Variants in TTC29 observed in about 807,000 individuals in gnomAD.
TTC29 encodes tetratricopeptide repeat protein 29.
A neutral mutation model predicts 58.1 loss-of-function variants in TTC29; 49 were observed. The observed-to-expected ratio is 0.84, with a 90% CI of 0.67 to 1.07. The LOEUF is 1.07. Ranked by LOEUF, TTC29 falls within the 50% of genes least tolerant of loss-of-function variation. The probability of loss-of-function intolerance (pLI) is 0.00; values close to 1 mark genes in which losing one functional copy is unlikely to be tolerated. For missense variants in TTC29, 582 were observed against 555.6 expected (o/e 1.05, Z -0.48); for synonymous variants, 209 against 196.8 (o/e 1.06, Z -0.52).
intron 10 of TTC29, among the ~76,000 whole-genome samples, 192 bp downstream of exon 10, chr4:146,819,933 A>G (rs1751699953): frequency 6.6e-6 from 1 of 152,196 alleles, no homozygotes; most frequent in Non-Finnish European, 1.5e-5. Context: ...AGATATTGGA[A>G]AAGGAGAAGG....
chr4:146,804,336 G>T (rs1750449776), intron 10 of TTC29, among the ~76,000 whole-genome samples: 1 of 152,068 alleles, frequency 6.6e-6, no homozygotes, highest in Non-Finnish European at 1.5e-5. Context: ...CTAGCTGCAG[G>T]AGTTTTTTTT....
At chr4:146,925,310 A>G (rs900582886) in intron 4 of TTC29, among the ~76,000 whole-genome samples, 1 of 152,064 alleles carries the variant, frequency 6.6e-6, no homozygotes, top group Non-Finnish European at 1.5e-5. Flanking sequence ...TCCAACAAAA[A>G]TTATGGGTTT....
chr4:146,919,413 T>C (rs193141994), intron 4 of TTC29, among the ~76,000 whole-genome samples: 2 of 151,178 alleles, frequency 1.3e-5, no homozygotes, highest in African/African-American at 4.8e-5. Context: ...GTATTATGTG[T>C]CCTAATATAA....
intron 11 of TTC29, among the ~76,000 whole-genome samples, chr4:146,767,918 C>G (rs1256826763): frequency 6.6e-6 from 1 of 152,018 alleles, no homozygotes; most frequent in African/African-American, 2.4e-5. Context: ...GCTTCAGCTT[C>G]CTTACCTTTA....
At chr4:146,755,142 T>C (rs899677094) in intron 11 of TTC29, among the ~76,000 whole-genome samples, 1 of 151,872 alleles carries the variant, frequency 6.6e-6, no homozygotes, top group African/African-American at 2.4e-5. Context: ...AATAATAGCA[T>C]AAAAAAACAT....
At chr4:146,940,396 C>A (rs1262735793) in intron 2 of TTC29, among the ~76,000 whole-genome samples, 1 of 152,200 alleles carries the variant, frequency 6.6e-6, no homozygotes, top group Non-Finnish European at 1.5e-5. Context: ...CAATTCTCAA[C>A]AAGGAGACAG....
chr4:146,892,769 T>G (rs1032652092), intron 6 of TTC29, among the ~76,000 whole-genome samples: 3 of 152,048 alleles, frequency 2.0e-5, no homozygotes, highest in African/African-American at 4.8e-5. Context: ...TGACATGACT[T>G]TATATCTAGA....
At chr4:146,750,994 C>T (rs988794881) in intron 11 of TTC29, among the ~76,000 whole-genome samples, 34 of 152,162 alleles carry the variant, frequency 2.2e-4, no homozygotes, top group African/African-American at 7.0e-4. Context: ...CTTAAAGACA[C>T]ATGTAGGCTG....
At chr4:146,714,229 C>T (rs1375045697) in intron 11 of TTC29, among the ~76,000 whole-genome samples, 1 of 152,028 alleles carries the variant, frequency 6.6e-6, no homozygotes, top group Non-Finnish European at 1.5e-5. Flanking sequence ...TGGCCCAGAA[C>T]AGACATAGTT....
chr4:146,746,393 TACTGATTTTCCA>T (rs1745551558), intron 11 of TTC29, among the ~76,000 whole-genome samples: 1 of 152,160 alleles, frequency 6.6e-6, no homozygotes, highest in South Asian at 2.1e-4. Context: ...ATATACTTAG[TACTGATTTTCCA>T]ACCAGGTCAA....
At chr4:146,942,887 C>T (rs918520590) in intron 2 of TTC29, 1 of 347,312 alleles carries the variant, frequency 2.9e-6, no homozygotes, top group African/African-American at 2.1e-5. Flanking sequence ...AAATGAGGAA[C>T]AGTGCTTGCA....
At chr4:146,789,654 A>G (rs1749282342) in intron 11 of TTC29, among the ~76,000 whole-genome samples, 1 of 152,214 alleles carries the variant, frequency 6.6e-6, no homozygotes, top group Non-Finnish European at 1.5e-5. Context: ...TAATTGAAAT[A>G]TGAAATAGAC....
chr4:146,917,485 G>C (rs1051832519), intron 4 of TTC29, among the ~76,000 whole-genome samples: 1 of 146,716 alleles, frequency 6.8e-6, no homozygotes, highest in African/African-American at 2.5e-5. Context: ...TAATTTGAAA[G>C]TATAAATATT....
chr4:146,936,377 A>C (rs1164478931), intron 4 of TTC29, among the ~76,000 whole-genome samples: 1 of 152,190 alleles, frequency 6.6e-6, no homozygotes, highest in Non-Finnish European at 1.5e-5. Flanking sequence ...CCAATTATTA[A>C]GCCAATTAAA....
chr4:146,916,548 G>C (rs903890581), intron 4 of TTC29, among the ~76,000 whole-genome samples: 7 of 151,582 alleles, frequency 4.6e-5, no homozygotes, highest in Admixed American at 4.6e-4. Flanking sequence ...AGTGAGTTAA[G>C]ATTTTTAGAA....
At chr4:146,925,906 T>G (rs147613904) in intron 4 of TTC29, among the ~76,000 whole-genome samples, 2 of 152,300 alleles carry the variant, frequency 1.3e-5, no homozygotes, top group East Asian at 1.9e-4. Context: ...TTCCTTCCTC[T>G]CTTTGAACCA....
chr4:146,898,907 C>T (rs1294180436), intron 6 of TTC29, among the ~76,000 whole-genome samples: 1 of 152,212 alleles, frequency 6.6e-6, no homozygotes, highest in South Asian at 2.1e-4. Flanking sequence ...GAAGGCTGGC[C>T]TCCTGCACAG....
At chr4:146,812,072 G>T (rs959922068) in intron 10 of TTC29, among the ~76,000 whole-genome samples, 2 of 152,014 alleles carry the variant, frequency 1.3e-5, no homozygotes, top group South Asian at 2.1e-4. Context: ...AAAGATATTT[G>T]TATGCCAATG....
intron 8 of TTC29, among the ~76,000 whole-genome samples, chr4:146,835,681 C>T (rs759239107): frequency 3.7e-4 from 56 of 152,098 alleles, no homozygotes; most frequent in Non-Finnish European, 6.5e-4. Context: ...TGTGAATTAA[C>T]AATGACTGAA....
Sources: gnomAD v4.1 joint callset for allele counts (sites outside exome capture counted in the v4.1 genomes callset) on GRCh38, gnomAD v4.1.1 for gene constraint, MANE v1.5 for transcripts, NCBI Gene and HGNC (gene_info 2026-07-23, HGNC 2026-07-21) for gene names.